The following TPTE2 variants were observed in gnomAD, a reference collection of about 807,000 sequenced individuals.
The protein encoded by TPTE2 is transmembrane phosphoinositide 3-phosphatase and tensin homolog 2.
Under a neutral mutation model 78.6 loss-of-function variants are expected in TPTE2, and 53 were observed. That is an observed-to-expected ratio of 0.67 (90% confidence interval 0.54 to 0.85). TPTE2 has a LOEUF of 0.85. TPTE2 is among the 40% of genes least tolerant of loss of function. TPTE2 has a pLI of 0.00. For missense variants in TPTE2, 461 were observed against 623.0 expected (o/e 0.74, Z 2.77); for synonymous variants, 175 against 206.2 (o/e 0.85, Z 1.30).
At chr13:19,547,565 C>T in the TPTE2 span, among the ~76,000 whole-genome samples, 3 of 151,908 alleles carry the variant, frequency 2.0e-5, no homozygotes, top group Non-Finnish European at 4.4e-5. Context: ...GTAAAAGGAT[C>T]TACTATAGCT....
At chr13:19,555,235 C>T in the TPTE2 span, among the ~76,000 whole-genome samples, 2 of 152,130 alleles carry the variant, frequency 1.3e-5, no homozygotes, top group African/African-American at 4.8e-5. Context: ...CTACACAACA[C>T]CAACACTCTT....
At chr13:19,478,308 T>C (rs1375633138) in intron 4 of TPTE2, among the ~76,000 whole-genome samples, 1 of 151,632 alleles carries the variant, frequency 6.6e-6, no homozygotes, top group Non-Finnish European at 1.5e-5. Flanking sequence ...TCAAACAAAT[T>C]TACAAGAAAA....
chr13:19,448,725 T>C (rs1204215650), intron 13 of TPTE2, among the ~76,000 whole-genome samples: 1 of 152,124 alleles, frequency 6.6e-6, no homozygotes, highest in Non-Finnish European at 1.5e-5. Flanking sequence ...GAATGTAAAT[T>C]AGTAGTTATT....
chr13:19,501,532 AG>A (rs1277640669), intron 1 of TPTE2, among the ~76,000 whole-genome samples: 1 of 148,734 alleles, frequency 6.7e-6, no homozygotes, highest in Non-Finnish European at 1.5e-5. Flanking sequence ...GACAAACCTG[AG>A]AAAAACAAGC....
intron 3 of TPTE2, among the ~76,000 whole-genome samples, chr13:19,490,560 A>G: frequency 6.6e-6 from 1 of 152,178 alleles, no homozygotes; most frequent in East Asian, 1.9e-4. Flanking sequence ...GGCAAAATTT[A>G]CATAAAATCA....
chr13:19,533,491 C>T (rs1369180152), intron 1 of TPTE2, among the ~76,000 whole-genome samples: 1 of 152,192 alleles, frequency 6.6e-6, no homozygotes, highest in African/African-American at 2.4e-5. Flanking sequence ...AAAATACAAA[C>T]ACAGCAAGCT....
chr13:19,452,090 T>C (rs1878225207), intron 10 of TPTE2, among the ~76,000 whole-genome samples: 1 of 152,116 alleles, frequency 6.6e-6, no homozygotes, highest in African/African-American at 2.4e-5. Flanking sequence ...ATCCATTTAT[T>C]AAACTGGCTA....
chr13:19,470,887 T>TTTTA (rs57724907), intron 6 of TPTE2, among the ~76,000 whole-genome samples: 48,751 of 139,456 alleles, frequency 0.35, 10,597 homozygotes, highest in East Asian at 0.55. Context: ...GATCTTTTTA[T>TTTTA]TTTATTTATT....
chr13:19,423,150 C>A (rs761394621), exon 20 of TPTE2: 5 of 1,606,944 alleles, frequency 3.1e-6, no homozygotes, highest in South Asian at 2.2e-5. Flanking sequence ...CAATTCATTT[C>A]TTGGTAGACA....
intron 13 of TPTE2, among the ~76,000 whole-genome samples, chr13:19,438,889 G>A (rs1205369291): frequency 9.9e-5 from 15 of 152,140 alleles, no homozygotes; most frequent in Admixed American, 8.5e-4. Flanking sequence ...AAGCCTCAGG[G>A]TGTGAGAGAG....
intron 13 of TPTE2, among the ~76,000 whole-genome samples, chr13:19,439,291 T>C (rs1339733873): frequency 6.6e-6 from 1 of 152,030 alleles, no homozygotes; most frequent in Non-Finnish European, 1.5e-5. Flanking sequence ...TACTGGCTCA[T>C]AGGTCAAACC....
intron 15 of TPTE2, among the ~76,000 whole-genome samples, chr13:19,435,790 A>ACC (rs1025022077): frequency 2.0e-5 from 3 of 151,156 alleles, no homozygotes; most frequent in African/African-American, 7.3e-5. Flanking sequence ...ACACACACAC[A>ACC]CACCAGGAGT....
At chr13:19,462,426 C>T (rs1282017328) in intron 10 of TPTE2, among the ~76,000 whole-genome samples, 6 of 152,002 alleles carry the variant, frequency 3.9e-5, no homozygotes, top group Non-Finnish European at 8.8e-5. Context: ...TATATCATCC[C>T]ATCTTATTGT....
chr13:19,556,538 C>G, the TPTE2 span, among the ~76,000 whole-genome samples: 17 of 152,206 alleles, frequency 1.1e-4, no homozygotes, highest in Middle Eastern at 6.8e-3. Context: ...TTCTCCCCCC[C>G]ACCTTTGAGT....
the TPTE2 span, among the ~76,000 whole-genome samples, chr13:19,544,167 A>G: frequency 6.6e-6 from 1 of 151,936 alleles, no homozygotes; most frequent in African/African-American, 2.4e-5. Flanking sequence ...TACCAATTAA[A>G]AGACAGAGAC....
At chr13:19,446,878 G>C (rs559866656) in intron 13 of TPTE2, among the ~76,000 whole-genome samples, 1 of 152,280 alleles carries the variant, frequency 6.6e-6, no homozygotes, top group East Asian at 1.9e-4. Flanking sequence ...AGGAGGTTCA[G>C]GCTGCAATGA....
At chr13:19,445,809 C>T (rs1162165353) in intron 13 of TPTE2, among the ~76,000 whole-genome samples, 2 of 152,116 alleles carry the variant, frequency 1.3e-5, no homozygotes, top group East Asian at 1.9e-4. Context: ...GGTATGGTGG[C>T]GGACGCCTGT....
At chr13:19,460,654 A>G (rs1878828994) in intron 10 of TPTE2, among the ~76,000 whole-genome samples, 1 of 152,158 alleles carries the variant, frequency 6.6e-6, no homozygotes, top group Admixed American at 6.5e-5. Flanking sequence ...ATTTTCTGGG[A>G]AGTAGCTGAA....
chr13:19,548,342 T>C, the TPTE2 span, among the ~76,000 whole-genome samples: 85,821 of 135,830 alleles, frequency 0.63, 29,900 homozygotes, highest in East Asian at 0.88. Flanking sequence ...ACAGATCCTG[T>C]TACCTTTCAG....
Sources: gnomAD v4.1 joint callset for allele counts (sites outside exome capture counted in the v4.1 genomes callset) on GRCh38, gnomAD v4.1.1 for gene constraint, MANE v1.5 for transcripts, NCBI Gene and HGNC (gene_info 2026-07-23, HGNC 2026-07-21) for gene names.